The following SIK2 variants were observed in gnomAD, a reference collection of about 807,000 sequenced individuals.
SIK2 encodes the protein salt inducible kinase 2, also known as serine/threonine-protein kinase SIK2.
A neutral mutation model predicts 103.2 loss-of-function variants in SIK2; 29 were observed. The ratio of observed to expected loss-of-function variants is 0.28; its 90% CI spans 0.21 to 0.38. The LOEUF is 0.38. Ranked by LOEUF, SIK2 falls within the 10% of genes least tolerant of loss-of-function variation. SIK2 has a pLI of 1.00. For missense variants in SIK2, 879 were observed against 1,171.0 expected, an observed-to-expected ratio of 0.75 and a Z score of 3.64; for synonymous variants, 412 against 446.1, an observed-to-expected ratio of 0.92 and a Z score of 0.96.
intron 9 of SIK2, among the ~76,000 whole-genome samples, chr11:111,717,052 C>T (rs1345510895): frequency 6.6e-6 from 1 of 152,146 alleles, no homozygotes; most frequent in Admixed American, 6.5e-5. Flanking sequence ...TGGTGGCTCA[C>T]GCCCGTAATC....
At chr11:111,693,261 G>C (rs1156574129) in intron 4 of SIK2, among the ~76,000 whole-genome samples, 2 of 151,854 alleles carry the variant, frequency 1.3e-5, no homozygotes, top group African/African-American at 4.8e-5. Context: ...TTGAACCAGG[G>C]AGTCAGAGGT....
intron 9 of SIK2, among the ~76,000 whole-genome samples, chr11:111,719,350 C>T (rs965178880): frequency 5.2e-5 from 5 of 95,290 alleles, no homozygotes; most frequent in African/African-American, 1.9e-4. Flanking sequence ...ATCTTGGTGA[C>T]TACCCCTTTT....
At chr11:111,667,370 T>C (rs1942559067) in intron 3 of SIK2, among the ~76,000 whole-genome samples, 1 of 152,190 alleles carries the variant, frequency 6.6e-6, no homozygotes, top group African/African-American at 2.4e-5. Flanking sequence ...TCTCCAGCAT[T>C]ACATTAGCAT....
chr11:111,682,823 C>T (rs2135889239), intron 3 of SIK2, among the ~76,000 whole-genome samples: 1 of 152,274 alleles, frequency 6.6e-6, no homozygotes, highest in Non-Finnish European at 1.5e-5. Flanking sequence ...TTGTAATTGC[C>T]TGTTTACCTT....
chr11:111,626,631 G>GA (rs1476073126), intron 3 of SIK2, among the ~76,000 whole-genome samples: 1 of 150,116 alleles, frequency 6.7e-6, no homozygotes, highest in African/African-American at 2.4e-5. Flanking sequence ...ATTTTCTTCA[G>GA]AATTGTCTTT....
intron 1 of SIK2, among the ~76,000 whole-genome samples, chr11:111,613,638 T>TA (rs1941759873): frequency 6.6e-6 from 1 of 152,144 alleles, no homozygotes; most frequent in South Asian, 2.1e-4. Context: ...TAATAGCGAG[T>TA]ATATAATATT....
At chr11:111,622,315 G>A (rs929138085) in intron 3 of SIK2, among the ~76,000 whole-genome samples, 2 of 128,504 alleles carry the variant, frequency 1.6e-5, no homozygotes, top group African/African-American at 5.8e-5. Context: ...GAGTGCAGTG[G>A]CACGATCTCA....
intron 9 of SIK2, among the ~76,000 whole-genome samples, chr11:111,716,305 A>G (rs1943640205): frequency 6.6e-6 from 1 of 152,130 alleles, no homozygotes; most frequent in Non-Finnish European, 1.5e-5. Context: ...ACATCTGGCC[A>G]GGTGCGGTGG....
chr11:111,619,160 T>C (rs1215388777), intron 2 of SIK2, among the ~76,000 whole-genome samples: 4 of 152,206 alleles, frequency 2.6e-5, no homozygotes, highest in African/African-American at 9.7e-5. Flanking sequence ...ATTCTATCTA[T>C]TTGAGGTAAA....
intron 3 of SIK2, among the ~76,000 whole-genome samples, chr11:111,646,171 C>T (rs533925922): frequency 5.8e-4 from 88 of 152,196 alleles, no homozygotes; most frequent in African/African-American, 1.9e-3. Context: ...TCAGCTTGGC[C>T]GGGCATGGTG....
chr11:111,613,952 A>G (rs1020693689), intron 1 of SIK2, among the ~76,000 whole-genome samples: 5 of 152,150 alleles, frequency 3.3e-5, no homozygotes, highest in Non-Finnish European at 7.4e-5. Flanking sequence ...GCTTTAGGAC[A>G]TAACAGCAAA....
At position 111,729,148 on chromosome 11, in the gene SIK2, G is replaced by A. The variant is rs1944095361; in HGVS notation, c.*5019G>A. ...CTCACATTCTTATTTTACCATTTTT[G>A]TCCTAATTAAGGTAGCCTAGCTGAT... On this transcript the variant is annotated 3_prime_UTR_variant, in exon 15 of 15. Transcript: ENST00000304987. 2 of 152,104 alleles carry A rather than the reference G, an allele frequency of 1.3e-5. No homozygotes were observed. The highest frequency in any genetic ancestry group is 4.1e-4 in the South Asian group (2 of 4,822). The allele number at this position is 152,104 out of a possible 1,614,324, so 9.4% of individuals were successfully genotyped here. A position where few individuals can be genotyped will look rare whatever the true frequency, so the allele number is the denominator to read the frequency against.
At chr11:111,671,211 CT>C in intron 3 of SIK2, 1 of 263,928 alleles carries the variant, frequency 3.8e-6, no homozygotes, top group Non-Finnish European at 7.4e-6. Context: ...GCCAGCTTTC[CT>C]TGCCCTGCAG....
chr11:111,609,249 A>G (rs1025348138), intron 1 of SIK2, among the ~76,000 whole-genome samples: 1 of 152,026 alleles, frequency 6.6e-6, no homozygotes, highest in Non-Finnish European at 1.5e-5. Flanking sequence ...AATTTTTGTG[A>G]GTATATAACT....
intron 3 of SIK2, among the ~76,000 whole-genome samples, chr11:111,655,602 A>G (rs1428754755): frequency 6.6e-6 from 1 of 152,200 alleles, no homozygotes; most frequent in African/African-American, 2.4e-5. Context: ...GACAATGGTA[A>G]TGATGGCGGT....
chr11:111,667,347 G>T (rs971093624), intron 3 of SIK2, among the ~76,000 whole-genome samples: 1 of 152,158 alleles, frequency 6.6e-6, no homozygotes, highest in African/African-American at 2.4e-5. Flanking sequence ...AAAGGTGTGT[G>T]ATGAAAAGGC....
chr11:111,654,698 A>G (rs1403798763), intron 3 of SIK2, among the ~76,000 whole-genome samples: 1 of 152,212 alleles, frequency 6.6e-6, no homozygotes, highest in Non-Finnish European at 1.5e-5. Context: ...ACACCTAAAT[A>G]CAAGTGAGAA....
chr11:111,684,069 A>G (rs1942812414), intron 3 of SIK2, among the ~76,000 whole-genome samples: 1 of 152,154 alleles, frequency 6.6e-6, no homozygotes, highest in Admixed American at 6.5e-5. Context: ...TCTGGAATTT[A>G]GACCATTTTT....
intron 3 of SIK2, among the ~76,000 whole-genome samples, chr11:111,637,824 G>T (rs1195883213): frequency 6.6e-6 from 1 of 151,996 alleles, no homozygotes; most frequent in Non-Finnish European, 1.5e-5. Context: ...TCATTTCTTT[G>T]TATACTCTTT....
Sources: gnomAD v4.1 joint callset for allele counts (sites outside exome capture counted in the v4.1 genomes callset) on GRCh38, gnomAD v4.1.1 for gene constraint, MANE v1.5 for transcripts, NCBI Gene and HGNC (gene_info 2026-07-23, HGNC 2026-07-21) for gene names.